The following ATG7 variants were observed in gnomAD, a reference collection of about 807,000 sequenced individuals.
ATG7 encodes the protein autophagy related 7.
ATG7 carries 70 observed loss-of-function variants against 82.4 expected under a neutral mutation model. The observed-to-expected ratio is 0.85, with a 90% CI of 0.70 to 1.04. The LOEUF is 1.04. Ranked by LOEUF, ATG7 falls within the 50% of genes least tolerant of loss-of-function variation. The pLI is 0.00. For synonymous variants in ATG7, 287 were observed against 313.0 expected (o/e 0.92, Z 0.88); for missense variants, 792 against 864.3 (o/e 0.92, Z 1.05).
chr3:11,446,640 A>G, intron 20 of ATG7: 1 of 265,988 alleles, frequency 3.8e-6, no homozygotes, highest in South Asian at 3.2e-5. Context: ...GCAGACTGCA[A>G]GCCTGACCAG....
chr3:11,436,255 A>G (rs958678979), intron 20 of ATG7, among the ~76,000 whole-genome samples: 1 of 152,214 alleles, frequency 6.6e-6, no homozygotes, highest in Non-Finnish European at 1.5e-5. Context: ...GGACAATACA[A>G]ATTGAAACTA....
intron 1 of ATG7, among the ~76,000 whole-genome samples, chr3:11,278,752 G>T (rs1031029387): frequency 6.6e-6 from 1 of 152,362 alleles, no homozygotes; most frequent in Non-Finnish European, 1.5e-5. Context: ...AAAATGAGAA[G>T]CTGACATGGT....
intron 20 of ATG7, among the ~76,000 whole-genome samples, chr3:11,531,579 A>G (rs754822546): frequency 3.3e-5 from 5 of 152,200 alleles, no homozygotes; most frequent in Non-Finnish European, 7.3e-5. Flanking sequence ...AACATACCAT[A>G]AAAATGGTCT....
intron 20 of ATG7, among the ~76,000 whole-genome samples, chr3:11,471,160 C>T (rs1468499810): frequency 6.6e-6 from 1 of 152,100 alleles, no homozygotes; most frequent in Non-Finnish European, 1.5e-5. Flanking sequence ...ATATGTTACT[C>T]AGGGACTTCC....
intron 20 of ATG7, among the ~76,000 whole-genome samples, chr3:11,457,772 A>G (rs1052401205): frequency 6.6e-6 from 1 of 152,134 alleles, no homozygotes; most frequent in Non-Finnish European, 1.5e-5. Flanking sequence ...ATAAATTAAT[A>G]CATTGGTTAT....
chr3:11,521,915 C>T (rs1031950419), intron 20 of ATG7, among the ~76,000 whole-genome samples: 9 of 152,144 alleles, frequency 5.9e-5, no homozygotes. Flanking sequence ...GCCGCCGCTG[C>T]CGACAACAAT....
At chr3:11,532,402 A>C (rs2092710541) in intron 20 of ATG7, among the ~76,000 whole-genome samples, 1 of 152,122 alleles carries the variant, frequency 6.6e-6, no homozygotes. Flanking sequence ...AGGCAGAGAG[A>C]GGGAGATGGA....
intron 18 of ATG7, among the ~76,000 whole-genome samples, chr3:11,372,807 T>TGTGTGCGCGCGTGTGC (rs1477195913): frequency 1.4e-5 from 2 of 140,386 alleles, no homozygotes; most frequent in Admixed American, 7.4e-5. Flanking sequence ...GCTGGGTGTG[T>TGTGTGCGCGCGTGTGC]GTGTGTGTGC....
At chr3:11,410,710 C>T (rs2080815005) in intron 19 of ATG7, among the ~76,000 whole-genome samples, 1 of 152,152 alleles carries the variant, frequency 6.6e-6, no homozygotes, top group Non-Finnish European at 1.5e-5. Context: ...CTCAAAGTTA[C>T]TCCATGGTGT....
the ATG7 span, among the ~76,000 whole-genome samples, chr3:11,573,983 G>C: frequency 3.3e-5 from 5 of 152,334 alleles, no homozygotes; most frequent in East Asian, 3.9e-4. Flanking sequence ...TGTGAAGACA[G>C]AGAGAAGACC....
intron 5 of ATG7, among the ~76,000 whole-genome samples, chr3:11,300,377 C>G (rs1212754009): frequency 1.3e-5 from 2 of 151,844 alleles, no homozygotes; most frequent in Non-Finnish European, 2.9e-5. Context: ...CACACCTGGC[C>G]AAATTTAGAA....
At chr3:11,475,975 A>C (rs1044759786) in intron 20 of ATG7, among the ~76,000 whole-genome samples, 1 of 151,646 alleles carries the variant, frequency 6.6e-6, no homozygotes, top group African/African-American at 2.4e-5. Flanking sequence ...AAATGTTTAC[A>C]TTGGGGAAAA....
At chr3:11,538,712 CAAAAA>C (rs34720305) in intron 20 of ATG7, among the ~76,000 whole-genome samples, 1 of 83,986 alleles carries the variant, frequency 1.2e-5, no homozygotes, top group African/African-American at 4.8e-5. Flanking sequence ...AAAAATTAGC[CAAAAA>C]AAAAAAAAAA....
intron 10 of ATG7, 186 bp from the exon 11 acceptor site, chr3:11,332,786 G>T: frequency 4.2e-6 from 2 of 475,526 alleles, no homozygotes; most frequent in Non-Finnish European, 6.6e-6. Flanking sequence ...CTAAACACTT[G>T]GACAGAGGAG....
chr3:11,558,613 G>A (rs1278932732), downstream of ATG7: 11 of 1,607,380 alleles, frequency 6.8e-6, no homozygotes, highest in East Asian at 2.2e-5. Context: ...AGGGGCTGGC[G>A]GGCTGGCCCC....
chr3:11,349,169 C>T (rs544306308), intron 14 of ATG7, among the ~76,000 whole-genome samples: 2 of 152,066 alleles, frequency 1.3e-5, no homozygotes, highest in African/African-American at 4.8e-5. Context: ...AGACACACAG[C>T]GCTGATTGGT....
chr3:11,456,653 C>A (rs923961032), intron 20 of ATG7, among the ~76,000 whole-genome samples: 3 of 152,142 alleles, frequency 2.0e-5, no homozygotes, highest in Non-Finnish European at 4.4e-5. Context: ...TGAAAAGAAG[C>A]CTTATTTCTT....
intron 19 of ATG7, among the ~76,000 whole-genome samples, chr3:11,381,379 G>C (rs563989369): frequency 6.6e-6 from 1 of 152,012 alleles, no homozygotes; most frequent in Non-Finnish European, 1.5e-5. Flanking sequence ...GAAATCATTT[G>C]GCACAGGTGC....
rs182893616 is a variant in ATG7 at position 11,379,887 on chromosome 3, A to T, written c.1876-85A>T. 6.3e-4 allele frequency: 834 copies of T among 1,329,918 alleles called. 4 individuals carry two copies. The African/African-American group carries it at 0.011, about 17-fold the overall frequency. The allele number at this position is 1,329,918 out of a possible 1,614,324, so 82.4% of individuals were successfully genotyped here. A position where few individuals can be genotyped will look rare whatever the true frequency, so the allele number is the denominator to read the frequency against. On this transcript the variant is annotated intron_variant, in intron 18 of 20. Transcript: ENST00000693202. ...CGGGCCGCCATATTAATCATTTCCT[A>T]CTTGTTGTCAGAAACCAGACGTGCA...
Sources: gnomAD v4.1 joint callset for allele counts (sites outside exome capture counted in the v4.1 genomes callset) on GRCh38, gnomAD v4.1.1 for gene constraint, MANE v1.5 for transcripts, NCBI Gene and HGNC (gene_info 2026-07-23, HGNC 2026-07-21) for gene names.